Variants in CRYBG1 observed in about 807,000 individuals in gnomAD.
The protein encoded by CRYBG1 is beta/gamma crystallin domain-containing protein 1.
A neutral mutation model predicts 189.2 loss-of-function variants in CRYBG1; 139 were observed. The observed-to-expected ratio is 0.73, with a 90% confidence interval of 0.64 to 0.85. The LOEUF (loss-of-function observed/expected upper bound fraction) is 0.85. Among genes scored for constraint, CRYBG1 ranks in the 40% least tolerant of loss-of-function variants. The pLI, the probability that CRYBG1 is intolerant of heterozygous loss-of-function variation, is 0.00. For missense variants in CRYBG1, 2,611 were observed against 2,675.8 expected (o/e 0.98, Z 0.53); for synonymous variants, 1,023 against 1,017.1 (o/e 1.01, Z -0.11).
chr6:106,512,033 G>A lies in CRYBG1; in HGVS notation c.916G>A (p.Ala306Thr), dbSNP rs776560228. Reference sequence around the variant, plus strand: ...AGGGTCGCCCACCCAGGAGCGGCCCGCGGGAGGACTAGGCGAGGCCCCTAA... The same window carrying A: ...AGGGTCGCCCACCCAGGAGCGGCCCACGGGAGGACTAGGCGAGGCCCCTAA... ...APGSPTQERP[A>T]GGLGEAPNGA... The change falls in exon 3 of 22, where the codon GCG (alanine) becomes ACG (threonine). Residue 306 changes from alanine (A) to threonine (T), a missense_variant. By Grantham distance (58) the Ala-to-Thr change is moderately conservative. Coordinates refer to ENST00000633556, the MANE Select transcript of CRYBG1 (RefSeq NM_001371242.2). 27 of 1,530,222 alleles carry A rather than the reference G, an allele frequency of 1.8e-5. No homozygotes were observed. Among genetic ancestry groups the A allele is most frequent in the Non-Finnish European group, 2.6e-6 (3 of 1,143,858 alleles). 94.8% of individuals were successfully genotyped at this position (1,530,222 alleles called of 1,614,324 possible).
rs1773714947 is a variant in CRYBG1, at chr6:106,525,305, G to T, written c.4331G>T (p.Cys1444Phe). The change falls in exon 6 of 22, where the codon TGC (cysteine) becomes TTC (phenylalanine). Residue 1444 changes from cysteine to phenylalanine, a missense_variant. By Grantham distance (205) the Cys-to-Phe change is radical. Coordinates refer to ENST00000633556, the MANE Select transcript of CRYBG1 (RefSeq NM_001371242.2). ...AGTGAACCCGACGTCTCTGAGAAGT[G>T]CATTGAAGTTTTCAGTGACATTCAG... ...IYSEPDVSEK[C>F]IEVFSDIQDC... is the part of the protein sequence containing the mutation. 3 of 1,614,126 alleles carry T rather than the reference G, an allele frequency of 1.9e-6. No homozygotes were observed. Among genetic ancestry groups the T allele is most frequent in the Non-Finnish European group, 2.5e-6 (3 of 1,179,998 alleles).
At chr6:106,439,040 C>T (rs1177216726) in intron 1 of CRYBG1, among the ~76,000 whole-genome samples, 2 of 101,188 alleles carry the variant, frequency 2.0e-5, no homozygotes, top group Non-Finnish European at 3.9e-5. Flanking sequence ...TATCAATTTA[C>T]TTAAAAAATG....
chr6:106,458,035 G>A (rs1771926289), intron 2 of CRYBG1, among the ~76,000 whole-genome samples: 1 of 152,192 alleles, frequency 6.6e-6, no homozygotes, highest in South Asian at 2.1e-4. Context: ...AATAAATGTA[G>A]GAAACACAAG....
chr6:106,485,059 A>G (rs1772568649), intron 2 of CRYBG1, among the ~76,000 whole-genome samples: 1 of 152,220 alleles, frequency 6.6e-6, no homozygotes, highest in Non-Finnish European at 1.5e-5. Context: ...TAGTGATTGC[A>G]TTAAATCTGT....
intron 10 of CRYBG1, among the ~76,000 whole-genome samples, chr6:106,543,101 C>A (rs1195493957): frequency 6.6e-6 from 1 of 151,222 alleles, no homozygotes; most frequent in East Asian, 1.9e-4. Flanking sequence ...GACGTGATCT[C>A]GGCTCACTTA....
intron 1 of CRYBG1, among the ~76,000 whole-genome samples, chr6:106,443,515 AG>A (rs1412570279): frequency 6.6e-6 from 1 of 152,168 alleles, no homozygotes; most frequent in Non-Finnish European, 1.5e-5. Context: ...TCCCTGCAAT[AG>A]GTCCAACCAA....
chr6:106,385,219 A>T lies in CRYBG1; in HGVS notation c.173+24138A>T, dbSNP rs1007801907. On this transcript the variant is annotated intron_variant, in intron 1 of 21. Transcript: ENST00000633556. ...TTAGAAAACCATCTCACTTCTGTGT[A>T]TAAGAGAAACGTGTGTGCTCTGCAT... is the stretch of plus-strand genomic sequence containing the variant. 5.3e-5 allele frequency among the ~76,000 whole-genome samples: 8 copies of T among 152,206 alleles called. No individual in the cohort carries two copies. In the East Asian group the frequency reaches 1.3e-3, roughly 26 times the overall value.
intron 1 of CRYBG1, among the ~76,000 whole-genome samples, chr6:106,422,344 A>ATTTTTTTTTTTTTTTTTTTTTTTT (rs145135507): frequency 7.1e-6 from 1 of 139,926 alleles, no homozygotes; most frequent in Non-Finnish European, 1.5e-5. Flanking sequence ...TTATTTATTT[A>ATTTTTTTTTTTTTTTTTTTTTTTT]TTTTTGAGAC....
intron 2 of CRYBG1, among the ~76,000 whole-genome samples, chr6:106,507,157 C>T (rs536377165): frequency 1.1e-3 from 172 of 152,274 alleles, no homozygotes; most frequent in African/African-American, 4.0e-3. Context: ...AATATGATCT[C>T]GTGGATGGTT....
intron 2 of CRYBG1, among the ~76,000 whole-genome samples, chr6:106,482,560 G>A (rs1772489677): frequency 6.6e-6 from 1 of 152,098 alleles, no homozygotes; most frequent in Non-Finnish European, 1.5e-5. Flanking sequence ...TGAATCACAA[G>A]GTCAGGAGAT....
chr6:106,524,386 C>T (rs1232523279), intron 4 of CRYBG1, among the ~76,000 whole-genome samples: 1 of 151,990 alleles, frequency 6.6e-6, no homozygotes, highest in East Asian at 1.9e-4. Context: ...CATGGTGAAA[C>T]CCCATCTCTA....
chr6:106,535,089 A>G (rs1463011119), intron 8 of CRYBG1, among the ~76,000 whole-genome samples: 1 of 152,198 alleles, frequency 6.6e-6, no homozygotes, highest in Non-Finnish European at 1.5e-5. Context: ...ACAGAATAAT[A>G]TATGTATATA....
At chr6:106,388,859 T>A (rs1313771358) in intron 1 of CRYBG1, among the ~76,000 whole-genome samples, 1 of 152,198 alleles carries the variant, frequency 6.6e-6, no homozygotes, top group Middle Eastern at 3.2e-3. Flanking sequence ...GAGAGAAAGA[T>A]CAGTGCTTTT....
chr6:106,568,687 T>G lies in CRYBG1; in HGVS notation c.*121T>G. 1.5e-6 allele frequency: 1 copy of G among 681,434 alleles called. No homozygotes were observed. 42.2% of individuals were successfully genotyped at this position (681,434 alleles called of 1,614,324 possible). ...GACTCCTCCTTCATTGATTCTAAAT[T>G]CAACCTTAAATCATGCTGCCATGAC... On this transcript the variant is annotated 3_prime_UTR_variant, in exon 22 of 22. Transcript: ENST00000633556.
In CRYBG1 at chr6:106,553,523, T is replaced by A; in HGVS notation, c.5541T>A (p.Ile1847=). The change falls in exon 16 of 22, where the codon ATT becomes ATA. Residue 1847 remains isoleucine (I), a synonymous_variant. Transcript: ENST00000633556. ...GTTTTGAAGAAACAACAAGTCAAAT[T>A]GATGATTCATTTTCTACCAAGTCTT... ...SQSFEETTSQ[I]DDSFSTKSCR... is the part of the protein sequence containing the mutation. 6.2e-7 allele frequency: 1 copy of A among 1,614,074 alleles called. No individual in the cohort carries two copies. Among genetic ancestry groups the A allele is most frequent in the South Asian group, 1.1e-5 (1 of 91,076 alleles).
chr6:106,528,284 A>C (rs1480296841), intron 7 of CRYBG1, among the ~76,000 whole-genome samples: 1 of 152,244 alleles, frequency 6.6e-6, no homozygotes, highest in Non-Finnish European at 1.5e-5. Context: ...TAATACGAGA[A>C]GACTAAGTAA....
chr6:106,427,324 C>G (rs1771245477), intron 1 of CRYBG1, among the ~76,000 whole-genome samples: 1 of 152,158 alleles, frequency 6.6e-6, no homozygotes, highest in Admixed American at 6.5e-5. Flanking sequence ...GTCTAAAACC[C>G]AACTATTGAT....
chr6:106,540,409 C>T (rs1211336814), intron 9 of CRYBG1, among the ~76,000 whole-genome samples: 1 of 152,142 alleles, frequency 6.6e-6, no homozygotes, highest in Non-Finnish European at 1.5e-5. Context: ...TTAATTTTAC[C>T]CATCCTTCCA....
At chr6:106,409,135 G>T (rs1032844743) in intron 1 of CRYBG1, among the ~76,000 whole-genome samples, 2 of 152,174 alleles carry the variant, frequency 1.3e-5, no homozygotes, top group Non-Finnish European at 2.9e-5. Context: ...CATTGTCTCA[G>T]CCCAAAAATC....
Sources: gnomAD v4.1 joint callset for allele counts (sites outside exome capture counted in the v4.1 genomes callset) on GRCh38, gnomAD v4.1.1 for gene constraint, MANE v1.5 for transcripts, NCBI Gene and HGNC (gene_info 2026-07-23, HGNC 2026-07-21) for gene names.